Variants in KNL1 observed in about 807,000 individuals in gnomAD.
KNL1 encodes the protein outer kinetochore KNL1 complex subunit KNL1.
In KNL1, 66 loss-of-function variants were observed where a neutral mutation model predicts 201.3. The observed-to-expected ratio is 0.33, with a 90% CI of 0.27 to 0.40. The LOEUF (loss-of-function observed/expected upper bound fraction) is 0.40. Ranked by LOEUF, KNL1 falls within the 10% of genes least tolerant of loss-of-function variation. The pLI is 1.00. For synonymous variants in KNL1, 895 were observed against 899.2 expected, an observed-to-expected ratio of 1.00 and a Z score of 0.08; for missense variants, 2,815 against 2,690.5, an observed-to-expected ratio of 1.05 and a Z score of -1.02.
chr15:40,602,519 T>C (rs1891841788), intron 1 of KNL1, among the ~76,000 whole-genome samples: 1 of 130,666 alleles, frequency 7.7e-6, no homozygotes, highest in Admixed American at 8.5e-5. Context: ...AGAGTTTTGC[T>C]CTTGTCGCCC....
In KNL1 at chr15:40,624,331, A is replaced by T; in HGVS notation, c.4067A>T (p.Gln1356Leu). The change falls in exon 10 of 26, where the codon CAG becomes CTG. Residue 1356 changes from glutamine (Q) to leucine (L), a missense_variant. Gln to Leu is a moderately radical substitution (Grantham distance 113). Around this residue, in one of 3 missense-constraint regions of KNL1, gnomAD observed 2,464 missense variants for 2,291.7 expected, o/e 1.08. Coordinates refer to ENST00000399668, the MANE Select transcript of KNL1 (RefSeq NM_144508.5). Reference protein sequence around the residue: ...ASEYYLESEGQPLSAPCPLLE... With the variant: ...ASEYYLESEGLPLSAPCPLLE... ...GAATATTACTTGGAATCTGAGGGAC[A>T]GCCTCTCTCTGCTCCTTGTCCTTTG... 1 of 1,614,010 alleles carries T rather than the reference A, an allele frequency of 6.2e-7. No individual in the cohort carries two copies. The highest frequency in any genetic ancestry group is 8.5e-7 in the Non-Finnish European group (1 of 1,179,914).
chr15:40,610,112 G>C, intron 5 of KNL1, 133 bp from the exon 6 acceptor site: 1 of 571,078 alleles, frequency 1.8e-6, no homozygotes, highest in East Asian at 2.8e-5. Flanking sequence ...AATACTAGGA[G>C]TATATGGCAT....
rs1892529101 is a variant in KNL1 at position 40,621,559 on chromosome 15, G to A, written c.1295G>A (p.Ser432Asn). The A allele has an allele frequency of 6.2e-7, 1 of 1,610,604 alleles. No homozygotes were observed. Among genetic ancestry groups the A allele is most frequent in the Non-Finnish European group, 8.5e-7 (1 of 1,178,370 alleles). The change falls in exon 10 of 26, where the codon AGT becomes AAT. Residue 432 changes from serine to asparagine, a missense_variant. Physicochemically the swap from Ser to Asn is conservative, Grantham distance 46. Transcript: ENST00000399668. ...GGTTGTAAGACTGTTTTCTATTCTA[G>A]TTGTAATGATGCCATGGAAATGACC... ...IQGCKTVFYSSCNDAMEMTKC... is the reference protein window; with the variant it reads ...IQGCKTVFYSNCNDAMEMTKC...
intron 24 of KNL1, among the ~76,000 whole-genome samples, chr15:40,658,837 G>A (rs1459213257): frequency 6.6e-6 from 1 of 151,292 alleles, no homozygotes; most frequent in African/African-American, 2.4e-5. Context: ...GGCTGAGGCA[G>A]GAGAATCGCT....
rs1005345839 is a variant in KNL1, at chr15:40,610,059, A to G, written c.198-186A>G. Among the ~76,000 whole-genome samples the G allele has an allele frequency of 2.0e-5, 3 of 152,180 alleles. No homozygotes were observed. In the East Asian group the frequency reaches 5.8e-4, roughly 29 times the overall value. On this transcript the variant is annotated intron_variant, in intron 5 of 25. Coordinates refer to ENST00000399668, the MANE Select transcript of KNL1 (RefSeq NM_144508.5). ...GTTTAAAATCAAAAATAAAAACAAA[A>G]CTATAGCAGATTTTATTGTGGTAAA...
Position 40,628,135 on chromosome 15 carries a change from G to C in KNL1, c.5442G>C (p.Leu1814=), listed in dbSNP as rs2141730737. The C allele has an allele frequency of 6.2e-7, 1 of 1,613,290 alleles. No homozygotes were observed. The highest frequency in any genetic ancestry group is 8.5e-7 in the Non-Finnish European group (1 of 1,179,714). The change falls in exon 11 of 26, where the codon CTG becomes CTC. Residue 1814 remains leucine (L), a synonymous_variant. Coordinates refer to ENST00000399668, the MANE Select transcript of KNL1 (RefSeq NM_144508.5). The part of the protein sequence containing the change: ...KSANSVLIKN[L]SRTPSSCSSS... ...CTAACAGTGTATTGATAAAAAACCT[G>C]AGCAGGACCCCATCTAGTTGCAGCA... is the stretch of plus-strand genomic sequence containing the variant.
intron 13 of KNL1, among the ~76,000 whole-genome samples, chr15:40,631,452 G>A (rs1029127924): frequency 3.9e-5 from 6 of 152,012 alleles, no homozygotes; most frequent in African/African-American, 9.7e-5. Flanking sequence ...TTGTTGTCGT[G>A]GAGTCTAAAA....
chr15:40,642,898 G>C (rs1468096360), intron 14 of KNL1: 1 of 152,224 alleles, frequency 6.6e-6, no homozygotes, highest in African/African-American at 2.4e-5. Context: ...AAAGTGCTGG[G>C]ATTACAGGCG....
intron 1 of KNL1, among the ~76,000 whole-genome samples, chr15:40,598,160 G>A (rs1189448788): frequency 1.3e-5 from 2 of 150,196 alleles, no homozygotes; most frequent in Non-Finnish European, 3.0e-5. Flanking sequence ...GGCAACAAGA[G>A]GGAAACTCCG....
At position 40,621,373 on chromosome 15, in the gene KNL1, C is replaced by G; in HGVS notation, c.1109C>G (p.Thr370Ser). 1 of 1,611,206 alleles carries G rather than the reference C, an allele frequency of 6.2e-7. No homozygotes were observed. The highest frequency in any genetic ancestry group is 8.5e-7 in the Non-Finnish European group (1 of 1,178,396). ...ACAGTTTTTAAGAGTAAACAAAATA[C>G]TGCTTTTCAAGACCTTTCCATAAAC... ...NKTVFKSKQN[T>S]AFQDLSINSA... The change falls in exon 10 of 26, where the codon ACT (threonine) becomes AGT (serine). Residue 370 changes from threonine to serine, a missense_variant. By Grantham distance (58) the Thr-to-Ser change is moderately conservative (BLOSUM62 1). Around this residue, in one of 3 missense-constraint regions of KNL1, gnomAD observed 2,464 missense variants for 2,291.7 expected, o/e 1.08. Coordinates refer to ENST00000399668, the MANE Select transcript of KNL1 (RefSeq NM_144508.5).
intron 1 of KNL1, among the ~76,000 whole-genome samples, chr15:40,602,194 T>A (rs79498764): frequency 1.1e-4 from 16 of 143,124 alleles, no homozygotes; most frequent in African/African-American, 3.8e-4. Context: ...GCCCAGCTAA[T>A]TTTTTTTTTT....
intron 22 of KNL1, among the ~76,000 whole-genome samples, chr15:40,655,273 G>C (rs916429498): frequency 6.6e-6 from 1 of 151,726 alleles, no homozygotes; most frequent in African/African-American, 2.4e-5. Context: ...AGTCCAGCCT[G>C]GCAACAGAGT....
rs1893342791 is a variant in KNL1 at position 40,645,001 on chromosome 15, A to C, written c.5803A>C (p.Lys1935Gln). 6.2e-7 allele frequency: 1 copy of C among 1,608,538 alleles called. No homozygotes were observed. Among genetic ancestry groups the C allele is most frequent in the African/African-American group, 1.3e-5 (1 of 74,740 alleles). The change falls in exon 15 of 26, where the codon AAG (lysine) becomes CAG (glutamine). Residue 1935 changes from lysine (K) to glutamine (Q), a missense_variant. By Grantham distance (53) the Lys-to-Gln change is moderately conservative. Transcript: ENST00000399668. ...EARRQKIEEL[K>Q]LSASNQDKLL... is the part of the protein sequence containing the mutation. Reference sequence around the variant, plus strand: ...ATTAACTTTTCCGTATTTTAGATTAAAGCTTTCTGCATCGAACCAAGATAA... The same window carrying C: ...ATTAACTTTTCCGTATTTTAGATTACAGCTTTCTGCATCGAACCAAGATAA...
chr15:40,607,068 A>T (rs1335539934), intron 4 of KNL1, among the ~76,000 whole-genome samples: 3 of 152,136 alleles, frequency 2.0e-5, no homozygotes, highest in Non-Finnish European at 4.4e-5. Flanking sequence ...CCCTTAAAAA[A>T]TTTTTGTTTT....
chr15:40,617,975 T>TAAAAAAAAAAAAAAAAAAAAAAAAA (rs71104706), intron 8 of KNL1, among the ~76,000 whole-genome samples: 2 of 47,214 alleles, frequency 4.2e-5, no homozygotes, highest in Non-Finnish European at 6.8e-5. Context: ...AGGCTTTTAG[T>TAAAAAAAAAAAAAAAAAAAAAAAAA]AAAAAAAAAA....
intron 3 of KNL1, among the ~76,000 whole-genome samples, chr15:40,605,990 A>T (rs190479114): frequency 1.7e-3 from 262 of 152,356 alleles, no homozygotes; most frequent in Middle Eastern, 3.4e-3. Flanking sequence ...CGTGAAGAAT[A>T]GTGTCTTTTT....
rs34904135 is a variant in KNL1, at chr15:40,650,517, G to GT, written c.6173-13dup. On this transcript the variant is annotated intron_variant, in intron 18 of 25. Transcript: ENST00000399668. ...GGCAACATTCTAATATGTTTGTTCTGTTTTTTTTTTTTTTCTGTTTCCAAA... is the reference window on the plus strand; with the variant it reads ...GGCAACATTCTAATATGTTTGTTCTGTTTTTTTTTTTTTTTCTGTTTCCAAA... The GT allele has an allele frequency of 0.17, 219,450 of 1,324,720 alleles. 206 individuals are homozygous for GT. Among genetic ancestry groups the GT allele is most frequent in the East Asian group, 0.24 (8,014 of 33,674 alleles). 82.1% of individuals were successfully genotyped at this position (1,324,720 alleles called of 1,614,324 possible). A position where few individuals can be genotyped will look rare whatever the true frequency, so the allele number is the denominator to read the frequency against.
chr15:40,595,895 G>A (rs1378527576), intron 1 of KNL1, among the ~76,000 whole-genome samples: 2 of 152,020 alleles, frequency 1.3e-5, no homozygotes, highest in East Asian at 3.8e-4. Flanking sequence ...TCTAGATATC[G>A]GTCGTATAAA....
In KNL1 at chr15:40,628,114, C is replaced by T. The variant is rs773159633; in HGVS notation, c.5421C>T (p.Asn1807=). The T allele has an allele frequency of 1.6e-5, 26 of 1,611,532 alleles. No individual in the cohort carries two copies. The highest frequency in any genetic ancestry group is 2.0e-5 in the Non-Finnish European group (24 of 1,179,132). Residue 1807 remains asparagine (N), a synonymous_variant, in exon 11 of 26, where the codon AAC becomes AAT. Transcript: ENST00000399668. ...AAGAGGATATAGATAAAAGTGCTAA[C>T]AGTGTATTGATAAAAAACCTGAGCA... ...HTEEDIDKSA[N]SVLIKNLSRT... is the part of the protein sequence containing the mutation.
Sources: gnomAD v4.1 joint callset for allele counts (sites outside exome capture counted in the v4.1 genomes callset) on GRCh38, gnomAD v4.1.1 for gene constraint, gnomAD v4.1.1 regional missense constraint, MANE v1.5 for transcripts, NCBI Gene and HGNC (gene_info 2026-07-23, HGNC 2026-07-21) for gene names.